The following SLC25A26 variants were observed in gnomAD, a reference collection of about 807,000 sequenced individuals.
The protein encoded by SLC25A26 is mitochondrial S-adenosylmethionine carrier protein.
SLC25A26 carries 36 observed loss-of-function variants against 37.8 expected under a neutral mutation model. The ratio of observed to expected loss-of-function variants is 0.95; its 90% CI spans 0.73 to 1.26. The LOEUF (loss-of-function observed/expected upper bound fraction) is 1.26. Ranked by LOEUF, SLC25A26 falls within the 50% of genes most tolerant of loss-of-function variation. SLC25A26 has a pLI of 0.00. For synonymous variants in SLC25A26, 129 were observed against 122.5 expected (o/e 1.05, Z -0.35); for missense variants, 390 against 331.1 (o/e 1.18, Z -1.38).
intron 9 of SLC25A26, among the ~76,000 whole-genome samples, chr3:66,375,486 CTT>C (rs1472362122): frequency 9.2e-5 from 14 of 152,188 alleles, no homozygotes; most frequent in Admixed American, 2.0e-4. Context: ...GGCTGACTCT[CTT>C]GTTAGGGGCT....
At chr3:66,188,129 A>T (rs1046348108) in intron 1 of SLC25A26, among the ~76,000 whole-genome samples, 1 of 152,006 alleles carries the variant, frequency 6.6e-6, no homozygotes, top group South Asian at 2.1e-4. Context: ...CCCTAACCTG[A>T]ACCCTCAAAT....
intron 1 of SLC25A26, among the ~76,000 whole-genome samples, chr3:66,149,903 T>C (rs1241979730): frequency 6.6e-6 from 1 of 152,188 alleles, no homozygotes; most frequent in Non-Finnish European, 1.5e-5. Flanking sequence ...GAAACTGAGA[T>C]ATGGACAGGT....
intron 5 of SLC25A26, among the ~76,000 whole-genome samples, chr3:66,295,413 T>TTC (rs1221033421): frequency 6.7e-6 from 1 of 150,076 alleles, no homozygotes; most frequent in Non-Finnish European, 1.5e-5. Context: ...TTGTTTTTTT[T>TTC]TTTTTTTTGA....
intron 5 of SLC25A26, among the ~76,000 whole-genome samples, chr3:66,321,427 G>A (rs901859432): frequency 1.3e-4 from 20 of 152,288 alleles, no homozygotes; most frequent in African/African-American, 3.8e-4. Flanking sequence ...CTCAGAGTGC[G>A]CTAGTATGGA....
At chr3:66,156,513 C>A (rs2070285016) in intron 1 of SLC25A26, among the ~76,000 whole-genome samples, 1 of 151,968 alleles carries the variant, frequency 6.6e-6, no homozygotes, top group Non-Finnish European at 1.5e-5. Context: ...TCATACTGGC[C>A]AAAAGTACTA....
chr3:66,221,079 C>G lies in SLC25A26; in HGVS notation c.-16C>G. On this transcript the variant is annotated 5_prime_UTR_variant, in exon 1 of 10. Transcript: ENST00000354883. ...GCTCCGGCTTGGATTGTAGCCTTGA[C>G]GAGGTCTGAGCGACCATGGACCGGC... 2 of 1,535,008 alleles carry G rather than the reference C, an allele frequency of 1.3e-6. No homozygotes were observed. The highest frequency in any genetic ancestry group is 8.7e-7 in the Non-Finnish European group (1 of 1,145,768).
In SLC25A26 at chr3:66,377,701, G is replaced by A. The variant is rs756504810; in HGVS notation, c.719G>A (p.Gly240Asp). The A allele has an allele frequency of 8.7e-6, 14 of 1,613,218 alleles. No individual in the cohort carries two copies. Among genetic ancestry groups the A allele is most frequent in the South Asian group, 2.2e-5 (2 of 91,048 alleles). ...RSQGLAGLFAGVFPRMAAISL... is the reference protein window; with the variant it reads ...RSQGLAGLFADVFPRMAAISL... ...GTTTTTTCCCCTAGATTATTTGCAG[G>A]TGTCTTCCCTCGAATGGCAGCCATC... is the stretch of plus-strand genomic sequence containing the variant. The change falls in exon 10 of 10, where the codon GGT (glycine) becomes GAT (aspartate). Residue 240 changes from glycine (G) to aspartate (D), a missense_variant. By Grantham distance (94) the Gly-to-Asp change is moderately conservative (BLOSUM62 -1). Transcript: ENST00000354883.
Position 66,262,066 on chromosome 3 carries a change from CGAG to C in SLC25A26, c.317_319del (p.Arg106_Val107delinsLeu). ...TGTCTTTTAGGTTGCCTGCCTGATT[CGAG>C]TTCCATCTGAAGTGGTTAAGCAGAG... On this transcript the variant is annotated inframe_deletion, in exon 4 of 10. Coordinates refer to ENST00000354883, the MANE Select transcript of SLC25A26 (RefSeq NM_001379210.1). 6.3e-7 allele frequency: 1 copy of C among 1,578,664 alleles called. No homozygotes were observed. Among genetic ancestry groups the C allele is most frequent in the Non-Finnish European group, 8.6e-7 (1 of 1,161,604 alleles).
intron 1 of SLC25A26, among the ~76,000 whole-genome samples, chr3:66,170,791 GTTTTTTTTTTTTT>G (rs36147154): frequency 7.9e-5 from 4 of 50,894 alleles, no homozygotes; most frequent in Non-Finnish European, 1.4e-4. Context: ...TGTGATTATT[GTTTTTTTTTTTTT>G]TTTTTTTTTT....
intron 3 of SLC25A26, among the ~76,000 whole-genome samples, chr3:66,247,267 A>C (rs889611744): frequency 7.3e-6 from 1 of 136,298 alleles, no homozygotes; most frequent in Non-Finnish European, 1.5e-5. Context: ...ATAAATATAA[A>C]TATATATATA....
chr3:66,195,036 C>T (rs1016861326), intron 1 of SLC25A26, among the ~76,000 whole-genome samples: 4 of 152,250 alleles, frequency 2.6e-5, no homozygotes, highest in African/African-American at 9.6e-5. Context: ...CCAATCCCAC[C>T]TCCTTTACCA....
chr3:66,205,498 G>A (rs960062679), intron 1 of SLC25A26, among the ~76,000 whole-genome samples: 1 of 152,112 alleles, frequency 6.6e-6, no homozygotes, highest in African/African-American at 2.4e-5. Flanking sequence ...CAGCATAAAC[G>A]CAAGGGTCTT....
intron 5 of SLC25A26, among the ~76,000 whole-genome samples, chr3:66,292,113 G>C (rs1175250303): frequency 1.3e-5 from 2 of 152,216 alleles, no homozygotes; most frequent in East Asian, 3.9e-4. Flanking sequence ...CAGAGACTAG[G>C]ATTGCAACCG....
rs1405587343 is a variant in SLC25A26 at position 66,230,817 on chromosome 3, AAAC to A, written c.34-5724_34-5722del. 8.3e-4 allele frequency among the ~76,000 whole-genome samples: 117 copies of A among 140,376 alleles called. 5 individuals carry two copies. The highest frequency in any genetic ancestry group is 2.9e-3 in the African/African-American group (99 of 34,358). 92.1% of individuals were successfully genotyped at this position (140,376 alleles called of 152,430 possible). A position where few individuals can be genotyped will look rare whatever the true frequency, so the allele number is the denominator to read the frequency against. On this transcript the variant is annotated intron_variant, in intron 1 of 9. Coordinates refer to ENST00000354883, the MANE Select transcript of SLC25A26 (RefSeq NM_001379210.1). ...CAAAACTCTGTCTCAAAAAAAAAAAAAACAAAAAAAAACCAGAATTTTAGACTG... is the reference window on the plus strand; with the variant it reads ...CAAAACTCTGTCTCAAAAAAAAAAAAAAAAAAAAACCAGAATTTTAGACTG...
At chr3:66,262,529 C>A (rs576648283) in intron 4 of SLC25A26, among the ~76,000 whole-genome samples, 2 of 152,160 alleles carry the variant, frequency 1.3e-5, no homozygotes, top group African/African-American at 4.8e-5. Flanking sequence ...TGACCAATGT[C>A]ATAACGTTTA....
chr3:66,221,029 G>T lies in SLC25A26; in HGVS notation c.-66G>T, dbSNP rs1486909169. ...CCCGCCTCAAACATGGCGGCGCCCA[G>T]CGCGCGAGGACGTGATCCGCTTCTG... On this transcript the variant is annotated 5_prime_UTR_variant, in exon 1 of 10. Coordinates refer to ENST00000354883, the MANE Select transcript of SLC25A26 (RefSeq NM_001379210.1). 1 of 1,515,756 alleles carries T rather than the reference G, an allele frequency of 6.6e-7. No homozygotes were observed. Among genetic ancestry groups the T allele is most frequent in the Non-Finnish European group, 8.9e-7 (1 of 1,128,140 alleles). The allele number at this position is 1,515,756 out of a possible 1,614,324, so 93.9% of individuals were successfully genotyped here.
rs145808603 is a variant in SLC25A26, at chr3:66,234,005, C to G, written c.34-2539C>G. Reference sequence around the variant, plus strand: ...GAAGTGCAGCATGTTTTTAAATAATCTAGTCGCACGAGACATTTTCGCCAG... The same window carrying G: ...GAAGTGCAGCATGTTTTTAAATAATGTAGTCGCACGAGACATTTTCGCCAG... On this transcript the variant is annotated intron_variant, in intron 1 of 9. Coordinates refer to ENST00000354883, the MANE Select transcript of SLC25A26 (RefSeq NM_001379210.1). Among the ~76,000 whole-genome samples the G allele has an allele frequency of 1.4e-3, 218 of 152,274 alleles. 1 individual carries two copies. The highest frequency in any genetic ancestry group is 5.0e-3 in the African/African-American group (209 of 41,556).
intron 5 of SLC25A26, among the ~76,000 whole-genome samples, chr3:66,286,473 C>G (rs1043384714): frequency 2.6e-5 from 4 of 151,422 alleles, no homozygotes; most frequent in African/African-American, 4.9e-5. Context: ...CACTGAAATG[C>G]TTTTGCATCT....
chr3:66,264,543 T>C (rs1034696212), intron 5 of SLC25A26, among the ~76,000 whole-genome samples: 1 of 152,124 alleles, frequency 6.6e-6, no homozygotes, highest in African/African-American at 2.4e-5. Context: ...CAGATTCTCA[T>C]AGGAACACGA....
Sources: allele counts gnomAD v4.1 joint callset (sites outside exome capture counted in the v4.1 genomes callset), GRCh38; gene constraint gnomAD v4.1.1; transcripts MANE v1.5; gene names NCBI Gene and HGNC (gene_info 2026-07-23, HGNC 2026-07-21).